The following HACD2 variants were observed in gnomAD, a reference collection of about 807,000 sequenced individuals.
HACD2 encodes the protein very-long-chain (3R)-3-hydroxyacyl-CoA dehydratase 2.
HACD2 carries 15 observed loss-of-function variants against 31.0 expected under a neutral mutation model. The ratio of observed to expected loss-of-function variants is 0.48; its 90% CI spans 0.32 to 0.75. The LOEUF is 0.75. HACD2 is among the 30% of genes least tolerant of loss of function. The probability of loss-of-function intolerance (pLI) is 0.03; values close to 1 mark genes in which losing one functional copy is unlikely to be tolerated. For synonymous variants in HACD2, 115 were observed against 122.2 expected, an observed-to-expected ratio of 0.94 and a Z score of 0.39; for missense variants, 283 against 313.0, an observed-to-expected ratio of 0.90 and a Z score of 0.72.
chr3:123,570,917 T>TAAAC (rs1553763401), intron 2 of HACD2, among the ~76,000 whole-genome samples: 2 of 144,762 alleles, frequency 1.4e-5, no homozygotes, highest in Admixed American at 1.4e-4. Flanking sequence ...TTCATACCAT[T>TAAAC]ACACACACAC....
At chr3:123,562,254 A>G (rs958155141) in intron 3 of HACD2, among the ~76,000 whole-genome samples, 4 of 152,316 alleles carry the variant, frequency 2.6e-5, no homozygotes, top group African/African-American at 7.2e-5. Context: ...ACCTACTTTG[A>G]AAAAGTTGAG....
intron 3 of HACD2, among the ~76,000 whole-genome samples, chr3:123,532,833 CAAAAAAAAAAAAAA>C (rs35001570): frequency 5.6e-5 from 4 of 71,360 alleles, no homozygotes; most frequent in East Asian, 5.2e-4. Context: ...GACTCCGTCT[CAAAAAAAAAAAAAA>C]AAAAAAAAAA....
chr3:123,556,507 C>T (rs1210645726), intron 3 of HACD2, among the ~76,000 whole-genome samples: 1 of 151,560 alleles, frequency 6.6e-6, no homozygotes, highest in Non-Finnish European at 1.5e-5. Flanking sequence ...TTGACATATT[C>T]ATGTAATATG....
At chr3:123,500,730 A>G (rs757908411) in intron 5 of HACD2, 37 bp from the exon 6 acceptor site, 1 of 1,464,044 alleles carries the variant, frequency 6.8e-7, no homozygotes, top group African/African-American at 1.4e-5. Flanking sequence ...TGAGGCTCAA[A>G]GTCAGCTTTA....
intron 2 of HACD2, among the ~76,000 whole-genome samples, chr3:123,574,555 C>A (rs1351518869): frequency 6.6e-6 from 1 of 152,086 alleles, no homozygotes; most frequent in Non-Finnish European, 1.5e-5. Flanking sequence ...CTCTATTTCT[C>A]TTTAAATCGA....
At chr3:123,504,337 A>C (rs1451994080) in intron 4 of HACD2, among the ~76,000 whole-genome samples, 9 of 152,140 alleles carry the variant, frequency 5.9e-5, no homozygotes. Context: ...TTGTACTGTA[A>C]ACATCTTCAA....
intron 4 of HACD2, among the ~76,000 whole-genome samples, chr3:123,513,367 A>G (rs1576739033): frequency 6.6e-6 from 1 of 152,326 alleles, no homozygotes; most frequent in South Asian, 2.1e-4. Flanking sequence ...CAAAATACTA[A>G]TTAATAAAAA....
intron 3 of HACD2, among the ~76,000 whole-genome samples, chr3:123,564,693 A>G (rs187085447): frequency 1.2e-3 from 181 of 152,322 alleles, no homozygotes; most frequent in African/African-American, 4.3e-3. Flanking sequence ...AAAGGGACGG[A>G]GAACAGTTAT....
At position 123,494,915 on chromosome 3, in the gene HACD2, A is replaced by G; in HGVS notation, c.738T>C (p.His246=). 1 of 1,559,954 alleles carries G rather than the reference A, an allele frequency of 6.4e-7. No homozygotes were observed. Among genetic ancestry groups the G allele is most frequent in the Non-Finnish European group, 8.7e-7 (1 of 1,150,502 alleles). ...MIHQRRKILS[H]TEEHKKFE is the part of the protein sequence containing the mutation. ...ATTCAAATTTCTTGTGTTCTTCAGT[A>G]TGAGAAAGGATCTTTCTTCTCTGGT... The change falls in exon 7 of 7, where the codon CAT becomes CAC. Residue 246 remains histidine (H), a synonymous_variant. Coordinates refer to ENST00000383657, the MANE Select transcript of HACD2 (RefSeq NM_198402.5).
chr3:123,575,687 C>G (rs1485519702), intron 2 of HACD2, among the ~76,000 whole-genome samples: 1 of 152,204 alleles, frequency 6.6e-6, no homozygotes, highest in Non-Finnish European at 1.5e-5. Flanking sequence ...ATGTTTCCAG[C>G]TTTAGGAAAC....
chr3:123,584,836 C>A, intron 1 of HACD2, 37 bp downstream of exon 1: 1 of 1,450,530 alleles, frequency 6.9e-7, no homozygotes, highest in Non-Finnish European at 9.1e-7. Context: ...CCTCCCCGGC[C>A]GCGCTGGCTC....
chr3:123,578,058 A>C (rs1347429236), intron 2 of HACD2, among the ~76,000 whole-genome samples: 5 of 152,084 alleles, frequency 3.3e-5, no homozygotes, highest in African/African-American at 1.2e-4. Context: ...AGCCCCTAAC[A>C]ATTCCTCTAC....
chr3:123,522,017 C>T (rs2056221194), intron 4 of HACD2, among the ~76,000 whole-genome samples: 1 of 151,964 alleles, frequency 6.6e-6, no homozygotes. Flanking sequence ...AGAAGTGAGC[C>T]CACTCTTGGC....
Position 123,584,857 on chromosome 3 carries a change from C to T in HACD2, c.155+16G>A, listed in dbSNP as rs1246773326. On this transcript the variant is annotated intron_variant, in intron 1 of 6. Transcript: ENST00000383657. The stretch of plus-strand genomic sequence containing the variant: ...CGGCCGCGCTGGCTCCCCGCCTCCC[C>T]GAGCCCCAGCCTCACCCGGCTGTCA... The T allele has an allele frequency of 1.3e-5, 19 of 1,485,676 alleles. No homozygotes were observed. The highest frequency in any genetic ancestry group is 1.6e-5 in the Non-Finnish European group (18 of 1,117,678). The allele number at this position is 1,485,676 out of a possible 1,614,324, so 92.0% of individuals were successfully genotyped here.
intron 4 of HACD2, among the ~76,000 whole-genome samples, chr3:123,504,621 C>A (rs979506359): frequency 6.6e-6 from 1 of 152,040 alleles, no homozygotes; most frequent in Non-Finnish European, 1.5e-5. Flanking sequence ...TCCCATCCGT[C>A]CCCAAGTTAG....
At chr3:123,558,042 A>G (rs925571987) in intron 3 of HACD2, among the ~76,000 whole-genome samples, 1 of 152,246 alleles carries the variant, frequency 6.6e-6, no homozygotes, top group Non-Finnish European at 1.5e-5. Context: ...GTACTTTACT[A>G]GGAGAATGGG....
At chr3:123,584,752 ACCCC>A in intron 1 of HACD2, 117 bp downstream of exon 1, 1 of 749,570 alleles carries the variant, frequency 1.3e-6, no homozygotes, top group African/African-American at 1.9e-5. Context: ...GGTCCCGGGC[ACCCC>A]CCGCCGGGAA....
intron 3 of HACD2, among the ~76,000 whole-genome samples, chr3:123,544,702 CA>C (rs2056536202): frequency 6.6e-6 from 1 of 151,936 alleles, no homozygotes; most frequent in South Asian, 2.1e-4. Context: ...TAAAGTTTTC[CA>C]AATTTTTATG....
chr3:123,561,419 A>G (rs1453999952), intron 3 of HACD2, among the ~76,000 whole-genome samples: 1 of 152,198 alleles, frequency 6.6e-6, no homozygotes, highest in Non-Finnish European at 1.5e-5. Context: ...CCTGTTGATG[A>G]AATTAAAGTG....
Sources: allele counts gnomAD v4.1 joint callset (sites outside exome capture counted in the v4.1 genomes callset), GRCh38; gene constraint gnomAD v4.1.1; transcripts MANE v1.5; gene names NCBI Gene and HGNC (gene_info 2026-07-23, HGNC 2026-07-21).